PCDHA5: variants seen among roughly 807,000 people sequenced by gnomAD.
The protein encoded by PCDHA5 is protocadherin alpha-5.
Under a neutral mutation model 61.6 loss-of-function variants are expected in PCDHA5, and 43 were observed. That is an observed-to-expected ratio of 0.70 (90% confidence interval 0.55 to 0.90). The LOEUF is 0.90. PCDHA5 is among the 40% of genes least tolerant of loss of function. The pLI is 0.00. For missense variants in PCDHA5, 1,298 were observed against 1,222.7 expected (o/e 1.06, Z -0.92); for synonymous variants, 627 against 543.9 (o/e 1.15, Z -2.13).
chr5:140,998,195 A>C (rs1409926168), intron 3 of PCDHA5, among the ~76,000 whole-genome samples: 6 of 152,164 alleles, frequency 3.9e-5, no homozygotes, highest in African/African-American at 1.2e-4. Flanking sequence ...ACAAGTATTA[A>C]CTCCTTTAAT....
intron 1 of PCDHA5, chr5:140,842,767 G>A (rs2150343877): frequency 1.9e-6 from 3 of 1,594,562 alleles, no homozygotes; most frequent in Non-Finnish European, 2.6e-6. Context: ...CGCGAGACGC[G>A]GACGCGCAGG....
intron 1 of PCDHA5, chr5:140,877,898 A>G: frequency 6.9e-7 from 1 of 1,445,150 alleles, no homozygotes. Context: ...CGTTTAGGTT[A>G]TAACTACATT....
At position 140,823,276 on chromosome 5, in the gene PCDHA5, C is replaced by A; in HGVS notation, c.1501C>A (p.Arg501Ser). The A allele has an allele frequency of 6.2e-7, 1 of 1,612,170 alleles. No homozygotes were observed. The highest frequency in any genetic ancestry group is 8.5e-7 in the Non-Finnish European group (1 of 1,179,744). The change falls in exon 1 of 4, where the codon CGC (arginine) becomes AGC (serine). Residue 501 changes from arginine (R) to serine (S), a missense_variant. By Grantham distance (110) the Arg-to-Ser change is moderately radical. Coordinates refer to ENST00000529859, the MANE Select transcript of PCDHA5 (RefSeq NM_018908.3). The stretch of plus-strand genomic sequence containing the variant: ...GCTGGTGGAGCGGCGGGTGGGCGAG[C>A]GCCCGCTGTCGAGTTACGTTTCGGT... Reference protein sequence around the residue: ...YSLVERRVGERPLSSYVSVHA... With the variant: ...YSLVERRVGESPLSSYVSVHA...
Position 140,876,608 on chromosome 5 carries a change from C to T in PCDHA5, c.2352+52481C>T, listed in dbSNP as rs1267902187. On this transcript the variant is annotated intron_variant, in intron 1 of 3. Transcript: ENST00000529859. ...CTGATTAGCGTGTCGGATCGTGACT[C>T]TGGAGCCAATGGACAGGTCATCTGC... The T allele has an allele frequency of 5.0e-6, 8 of 1,614,070 alleles. No individual in the cohort carries two copies. The highest frequency in any genetic ancestry group is 5.9e-6 in the Non-Finnish European group (7 of 1,180,040).
At chr5:140,947,304 T>A (rs1370804451) in intron 1 of PCDHA5, among the ~76,000 whole-genome samples, 1 of 151,606 alleles carries the variant, frequency 6.6e-6, no homozygotes, top group Admixed American at 6.6e-5. Flanking sequence ...CTTGACATCT[T>A]TGTAAAAAGT....
At chr5:140,969,235 A>G (rs781795606) in intron 1 of PCDHA5, 2 of 1,614,206 alleles carry the variant, frequency 1.2e-6, no homozygotes, top group Non-Finnish European at 1.7e-6. Flanking sequence ...CGGGAGCCCA[A>G]GCAGCAGTGA....
chr5:140,828,192 C>G (rs1554131077), intron 1 of PCDHA5: 3 of 1,614,102 alleles, frequency 1.9e-6, no homozygotes, highest in Admixed American at 3.3e-5. Context: ...CTCCACTACT[C>G]CGTACCCGAG....
intron 1 of PCDHA5, among the ~76,000 whole-genome samples, chr5:140,838,347 A>G (rs2150288220): frequency 2.7e-5 from 4 of 150,406 alleles, no homozygotes; most frequent in Non-Finnish European, 4.4e-5. Context: ...TGGTCTCGAA[A>G]TCTGGGACTC....
intron 1 of PCDHA5, among the ~76,000 whole-genome samples, chr5:140,962,132 C>A (rs1018234897): frequency 3.3e-5 from 5 of 152,104 alleles, no homozygotes; most frequent in Admixed American, 3.3e-4. Flanking sequence ...GCCTCGGCCT[C>A]CCAAAGTGCT....
At chr5:140,843,070 G>T (rs2150351793) in intron 1 of PCDHA5, 5 of 1,595,368 alleles carry the variant, frequency 3.1e-6, no homozygotes, top group East Asian at 2.2e-5. Flanking sequence ...TGGTGCCGCG[G>T]TCTGTGGGCG....
Position 140,824,014 on chromosome 5 carries a change from T to G in PCDHA5, c.2239T>G (p.Trp747Gly). ...GTTGTGCTCCAGCGCGGTGGGGAGC[T>G]GGTCGTACTCGCAGCAGAGGAGACA... Reference protein sequence around the residue: ...TLLCSSAVGSWSYSQQRRQRV... With the variant: ...TLLCSSAVGSGSYSQQRRQRV... The change falls in exon 1 of 4, where the codon TGG (tryptophan) becomes GGG (glycine). Residue 747 changes from tryptophan (W) to glycine (G), a missense_variant. Coordinates refer to ENST00000529859, the MANE Select transcript of PCDHA5 (RefSeq NM_018908.3). 1 of 1,614,050 alleles carries G rather than the reference T, an allele frequency of 6.2e-7. No homozygotes were observed. The highest frequency in any genetic ancestry group is 8.5e-7 in the Non-Finnish European group (1 of 1,180,004).
chr5:140,857,508 C>T, intron 1 of PCDHA5: 3 of 1,598,226 alleles, frequency 1.9e-6, no homozygotes, highest in Non-Finnish European at 2.6e-6. Context: ...CAGGAGAACG[C>T]CCTGGTGTCC....
chr5:140,975,244 A>G (rs934948446), intron 1 of PCDHA5, among the ~76,000 whole-genome samples: 6 of 152,120 alleles, frequency 3.9e-5, no homozygotes. Flanking sequence ...AATCCCTCTT[A>G]TGCTTCAGAT....
rs2150394601 is a variant in PCDHA5 at position 140,846,768 on chromosome 5, A to T, written c.2352+22641A>T. On this transcript the variant is annotated intron_variant, in intron 1 of 3. Coordinates refer to ENST00000529859, the MANE Select transcript of PCDHA5 (RefSeq NM_018908.3). ...TACAGATCTCTAACAGCATATCATC[A>T]TGTCAGGAATTATTACTGAGCCCCA... Among the ~76,000 whole-genome samples, 10 of 149,454 alleles carry T rather than the reference A, an allele frequency of 6.7e-5. 1 individual carries two copies. The highest frequency in any genetic ancestry group is 2.2e-4 in the African/African-American group (9 of 40,730).
At chr5:140,865,992 T>C (rs1475339451) in intron 1 of PCDHA5, 1 of 152,212 alleles carries the variant, frequency 6.6e-6, no homozygotes, top group Non-Finnish European at 1.5e-5. Flanking sequence ...CACTAAGTTT[T>C]TTTATGTTAA....
intron 1 of PCDHA5, among the ~76,000 whole-genome samples, chr5:140,904,906 G>C (rs2071460962): frequency 6.6e-6 from 1 of 152,026 alleles, no homozygotes; most frequent in African/African-American, 2.4e-5. Context: ...TTTTCTTACT[G>C]ATTTGTTTGA....
chr5:140,857,531 G>A, intron 1 of PCDHA5: 2 of 1,597,582 alleles, frequency 1.3e-6, no homozygotes, highest in East Asian at 2.2e-5. Context: ...CTCTCTGGTG[G>A]AGCGGCGGTT....
intron 1 of PCDHA5, among the ~76,000 whole-genome samples, chr5:140,839,319 G>A (rs1776149332): frequency 6.6e-6 from 1 of 151,778 alleles, no homozygotes; most frequent in Admixed American, 6.6e-5. Context: ...ATTTATATTG[G>A]GAAATACCTG....
At position 140,878,341 on chromosome 5, in the gene PCDHA5, A is replaced by G. The variant is rs980108622; in HGVS notation, c.2352+54214A>G. Reference sequence around the variant, plus strand: ...TTCACATTATATTCCAGGTATTATCACAATAATATAAATGATATGTCTGAC... The same window carrying G: ...TTCACATTATATTCCAGGTATTATCGCAATAATATAAATGATATGTCTGAC... On this transcript the variant is annotated intron_variant, in intron 1 of 3. Coordinates refer to ENST00000529859, the MANE Select transcript of PCDHA5 (RefSeq NM_018908.3). Among the ~76,000 whole-genome samples the G allele has an allele frequency of 2.0e-5, 3 of 152,350 alleles. No homozygotes were observed. In the East Asian group the frequency reaches 5.8e-4, roughly 29 times the overall value.
Sources: gnomAD v4.1 joint callset for allele counts (sites outside exome capture counted in the v4.1 genomes callset) on GRCh38, gnomAD v4.1.1 for gene constraint, MANE v1.5 for transcripts, NCBI Gene and HGNC (gene_info 2026-07-23, HGNC 2026-07-21) for gene names.